C1QTNF3: variants seen among roughly 807,000 people sequenced by gnomAD.
The protein encoded by C1QTNF3 is complement C1q tumor necrosis factor-related protein 3.
Under a neutral mutation model 32.6 loss-of-function variants are expected in C1QTNF3, and 26 were observed. The observed-to-expected ratio is 0.80, with a 90% confidence interval of 0.58 to 1.11. C1QTNF3 has a LOEUF of 1.11. Ranked by LOEUF, C1QTNF3 falls within the 50% of genes least tolerant of loss-of-function variation. The probability of loss-of-function intolerance (pLI) is 0.00; values close to 1 mark genes in which losing one functional copy is unlikely to be tolerated. For missense variants in C1QTNF3, 362 were observed against 398.2 expected (o/e 0.91, Z 0.77); for synonymous variants, 155 against 146.0 (o/e 1.06, Z -0.44).
At chr5:34,061,742 T>C in the C1QTNF3 span, among the ~76,000 whole-genome samples, 19,000 of 152,166 alleles carry the variant, frequency 0.12, 3,360 homozygotes, top group African/African-American at 0.39. Context: ...CATAGCACAC[T>C]GACCCTGGGC....
the C1QTNF3 span, among the ~76,000 whole-genome samples, chr5:34,063,465 G>A: frequency 1.1e-4 from 17 of 151,918 alleles, no homozygotes; most frequent in African/African-American, 4.1e-4. Context: ...TAAAGTACTG[G>A]GTCATCAGTC....
chr5:34,085,154 C>T, the C1QTNF3 span, among the ~76,000 whole-genome samples: 1 of 149,708 alleles, frequency 6.7e-6, no homozygotes, highest in Non-Finnish European at 1.5e-5. Flanking sequence ...CTACGCCCGG[C>T]TAATTTTTTG....
At chr5:34,216,627 G>A in the C1QTNF3 span, among the ~76,000 whole-genome samples, 2 of 152,162 alleles carry the variant, frequency 1.3e-5, no homozygotes, top group Admixed American at 6.6e-5. Flanking sequence ...CTAATCTCTA[G>A]AGGAGGTCCG....
chr5:34,194,417 T>C, the C1QTNF3 span, among the ~76,000 whole-genome samples: 6,910 of 145,462 alleles, frequency 0.048, no homozygotes, highest in African/African-American at 0.15. Context: ...TTAGCTCTTT[T>C]TATAGGCTCG....
At chr5:34,044,520 G>A (rs1754951273), upstream of C1QTNF3, among the ~76,000 whole-genome samples, 1 of 152,120 alleles carries the variant, frequency 6.6e-6, no homozygotes, top group African/African-American at 2.4e-5. Context: ...GTTGACAGCT[G>A]CCCCCATTGC....
At chr5:34,233,892 A>G in the C1QTNF3 span, among the ~76,000 whole-genome samples, 1 of 152,306 alleles carries the variant, frequency 6.6e-6, no homozygotes, top group Non-Finnish European at 1.5e-5. Flanking sequence ...AACAAATATT[A>G]ACTGACTATA....
intron 3 of C1QTNF3, 39 bp downstream of exon 3, chr5:34,033,265 G>A (rs757021490): frequency 6.2e-7 from 1 of 1,603,856 alleles, no homozygotes; most frequent in Non-Finnish European, 8.5e-7. Context: ...GGTCAGGCAG[G>A]TTGGAAAGCC....
the C1QTNF3 span, among the ~76,000 whole-genome samples, chr5:34,224,350 C>A: frequency 6.6e-6 from 1 of 152,188 alleles, no homozygotes; most frequent in Admixed American, 6.5e-5. Context: ...CCAAGTCAAT[C>A]CTAAGCCAAA....
chr5:34,195,101 G>A, the C1QTNF3 span, among the ~76,000 whole-genome samples: 2 of 151,038 alleles, frequency 1.3e-5, no homozygotes, highest in South Asian at 2.1e-4. Context: ...ATAGCCAGAA[G>A]AGTAGATTTT....
At chr5:34,047,822 G>A (rs1363315681), upstream of C1QTNF3, among the ~76,000 whole-genome samples, 2 of 152,298 alleles carry the variant, frequency 1.3e-5, no homozygotes, top group South Asian at 4.1e-4. Flanking sequence ...TCCAGTTGAA[G>A]AAGAAGTTTT....
chr5:34,080,801 C>T, the C1QTNF3 span, among the ~76,000 whole-genome samples: 1 of 151,750 alleles, frequency 6.6e-6, no homozygotes, highest in African/African-American at 2.4e-5. Flanking sequence ...ATCAACATGT[C>T]CACACACTTG....
At chr5:34,171,451 T>C in the C1QTNF3 span, among the ~76,000 whole-genome samples, 2 of 152,020 alleles carry the variant, frequency 1.3e-5, no homozygotes, top group South Asian at 4.1e-4. Flanking sequence ...TTTCCCCTGG[T>C]AGGGACATTT....
the C1QTNF3 span, among the ~76,000 whole-genome samples, chr5:34,103,280 GT>G: frequency 1.3e-5 from 2 of 151,664 alleles, no homozygotes; most frequent in Non-Finnish European, 2.9e-5. Flanking sequence ...TTATTTGTGT[GT>G]GTTTTTTTTT....
intron 4 of C1QTNF3, 33 bp from the exon 5 acceptor site, chr5:34,024,041 T>G (rs1379674889): frequency 6.4e-7 from 1 of 1,560,154 alleles, no homozygotes. Context: ...CATGTTGATA[T>G]TAACATGTTA....
chr5:34,140,169 T>C, the C1QTNF3 span, among the ~76,000 whole-genome samples: 2 of 152,076 alleles, frequency 1.3e-5, no homozygotes, highest in Non-Finnish European at 1.5e-5. Context: ...CAGAGCTATA[T>C]GAAATGAAAG....
the C1QTNF3 span, among the ~76,000 whole-genome samples, chr5:34,123,621 GC>G: frequency 4.2e-5 from 4 of 96,146 alleles, no homozygotes; most frequent in African/African-American, 1.4e-4. Flanking sequence ...GAACAGATAT[GC>G]TTTTTTTTTT....
chr5:34,174,577 A>G, the C1QTNF3 span, among the ~76,000 whole-genome samples: 1 of 152,060 alleles, frequency 6.6e-6, no homozygotes, highest in East Asian at 1.9e-4. Context: ...TTCCCCTATA[A>G]GTAATGTATT....
chr5:34,209,184 AT>A, the C1QTNF3 span, among the ~76,000 whole-genome samples: 1 of 152,202 alleles, frequency 6.6e-6, no homozygotes. Context: ...GTAATCCAGC[AT>A]TTTTCCGAAA....
chr5:34,175,804 C>T, the C1QTNF3 span: 44 of 749,578 alleles, frequency 5.9e-5, no homozygotes, highest in Admixed American at 5.0e-4. Flanking sequence ...TTATCCCATG[C>T]GCTAAACTGC....
Sources: allele counts gnomAD v4.1 joint callset (sites outside exome capture counted in the v4.1 genomes callset), GRCh38; gene constraint gnomAD v4.1.1; transcripts MANE v1.5; gene names NCBI Gene and HGNC (gene_info 2026-07-23, HGNC 2026-07-21).